SNAP25: variants seen among roughly 807,000 people sequenced by gnomAD.
The protein encoded by SNAP25 is synaptosome associated protein 25.
A neutral mutation model predicts 28.7 loss-of-function variants in SNAP25; 3 were observed. The ratio of observed to expected loss-of-function variants is 0.10; its 90% confidence interval spans 0.05 to 0.27. The LOEUF (loss-of-function observed/expected upper bound fraction) is 0.27. SNAP25 is among the 10% of genes least tolerant of loss of function. The pLI is 1.00. For missense variants in SNAP25, 117 were observed against 278.7 expected (o/e 0.42, Z 4.13); for synonymous variants, 61 against 88.1 (o/e 0.69, Z 1.72).
At chr20:10,305,676 A>C (rs773581746) in intron 7 of SNAP25, among the ~76,000 whole-genome samples, 1 of 152,170 alleles carries the variant, frequency 6.6e-6, no homozygotes, top group Non-Finnish European at 1.5e-5. Context: ...GAGAAAGCTG[A>C]GCCCCCAAGA....
rs2064349769 is a variant in SNAP25, at chr20:10,305,989, G to A, written c.553-140G>A. The A allele has an allele frequency of 6.1e-6, 4 of 650,762 alleles. No homozygotes were observed. In the East Asian group the frequency reaches 1.1e-4, roughly 18 times the overall value. 40.3% of individuals were successfully genotyped at this position (650,762 alleles called of 1,614,324 possible). ...AGAGCCATAGCCGTCATTCTGGGAAGACAAAAGAAAGGATGGCCCATGCTG... is the reference window on the plus strand; with the variant it reads ...AGAGCCATAGCCGTCATTCTGGGAAAACAAAAGAAAGGATGGCCCATGCTG... On this transcript the variant is annotated intron_variant, in intron 7 of 7. Coordinates refer to ENST00000254976, the MANE Select transcript of SNAP25 (RefSeq NM_130811.4).
chr20:10,294,346 T>A (rs1174599151), intron 5 of SNAP25, among the ~76,000 whole-genome samples: 1 of 152,192 alleles, frequency 6.6e-6, no homozygotes, highest in Non-Finnish European at 1.5e-5. Flanking sequence ...GGGGCTCATA[T>A]TGCAAAAAAA....
At chr20:10,235,516 G>A (rs748857892) in intron 1 of SNAP25, among the ~76,000 whole-genome samples, 4 of 152,156 alleles carry the variant, frequency 2.6e-5, no homozygotes, top group Non-Finnish European at 5.9e-5. Flanking sequence ...GTGGGTGGTG[G>A]GATGGAAGAA....
chr20:10,277,814 A>G, intron 3 of SNAP25, 88 bp downstream of exon 3: 1 of 1,221,654 alleles, frequency 8.2e-7, no homozygotes, highest in East Asian at 2.4e-5. Context: ...TCCTTGGGCC[A>G]TGATCCCCTA....
intron 4 of SNAP25, among the ~76,000 whole-genome samples, chr20:10,287,955 A>G (rs1428749370): frequency 6.6e-6 from 1 of 152,056 alleles, no homozygotes; most frequent in African/African-American, 2.4e-5. Flanking sequence ...TGGGAATTGA[A>G]CAATGAGAAC....
In SNAP25 at chr20:10,284,875, A is replaced by G. The variant is rs1003421218; in HGVS notation, c.163+103A>G. The G allele has an allele frequency of 8.4e-6, 7 of 833,832 alleles. No homozygotes were observed. The African/African-American group carries it at 1.0e-4, about 12-fold the overall frequency. The allele number at this position is 833,832 out of a possible 1,614,324, so 51.7% of individuals were successfully genotyped here. A position where few individuals can be genotyped will look rare whatever the true frequency, so the allele number is the denominator to read the frequency against. On this transcript the variant is annotated intron_variant, in intron 4 of 7. Transcript: ENST00000254976. Reference sequence around the variant, plus strand: ...ATGGTCGCTTTGACATGTGTTACACATGTACACGAATGTGAGGGTTCTAGA... The same window carrying G: ...ATGGTCGCTTTGACATGTGTTACACGTGTACACGAATGTGAGGGTTCTAGA...
intron 1 of SNAP25, among the ~76,000 whole-genome samples, chr20:10,240,549 C>T (rs969005035): frequency 6.6e-6 from 1 of 152,184 alleles, no homozygotes; most frequent in Non-Finnish European, 1.5e-5. Flanking sequence ...AGCATGGCAC[C>T]CTGCATGCCA....
rs189032695 is a variant in SNAP25 at position 10,280,706 on chromosome 20, A to G, written c.114+2980A>G. ...GTAAATTAAGCCCAGGAAAAGCCCC[A>G]CAGCCTTAGGGCAGGCCAATTCAGA... On this transcript the variant is annotated intron_variant, in intron 3 of 7. Transcript: ENST00000254976. 2.7e-3 allele frequency among the ~76,000 whole-genome samples: 408 copies of G among 152,352 alleles called. 2 individuals are homozygous for G. Among genetic ancestry groups the G allele is most frequent in the Non-Finnish European group, 4.1e-3 (280 of 68,030 alleles).
intron 1 of SNAP25, among the ~76,000 whole-genome samples, chr20:10,228,753 G>A (rs910217426): frequency 6.6e-6 from 1 of 152,166 alleles, no homozygotes. Flanking sequence ...CTCTGAGAAA[G>A]AGGAAGGGAC....
rs1016890818 is a variant in SNAP25, at chr20:10,306,054, T to C, written c.553-75T>C. ...AAGTGGTTTCACCCAAGAGGAAGCA[T>C]TGGACCCGGACCCAGAAGGGTGAAT... On this transcript the variant is annotated intron_variant, in intron 7 of 7. Transcript: ENST00000254976. 87 of 1,430,196 alleles carry C rather than the reference T, an allele frequency of 6.1e-5. No homozygotes were observed. The African/African-American group carries it at 6.2e-4, about 10-fold the overall frequency. 88.6% of individuals were successfully genotyped at this position (1,430,196 alleles called of 1,614,324 possible).
chr20:10,295,636 C>T (rs1224415449), intron 5 of SNAP25, among the ~76,000 whole-genome samples: 3 of 151,884 alleles, frequency 2.0e-5, no homozygotes, highest in Non-Finnish European at 2.9e-5. Flanking sequence ...TAATAGATGG[C>T]TGTGGTCCTC....
chr20:10,230,941 T>C (rs1197303812), intron 1 of SNAP25, among the ~76,000 whole-genome samples: 1 of 152,114 alleles, frequency 6.6e-6, no homozygotes, highest in Non-Finnish European at 1.5e-5. Flanking sequence ...TGTGCTTTGT[T>C]TTCTTCAACA....
intron 1 of SNAP25, among the ~76,000 whole-genome samples, chr20:10,257,432 T>G (rs935123136): frequency 6.6e-6 from 1 of 152,046 alleles, no homozygotes; most frequent in East Asian, 1.9e-4. Flanking sequence ...TTAGCCAGCA[T>G]GGGCCAGACG....
rs955310079 is a variant in SNAP25 at position 10,307,044 on chromosome 20, T to G, written c.*847T>G. ...CAGCAAAATATATGTTTGGCTGAAA[T>G]TATGTCAAATGGATGTAATATAGGG... On this transcript the variant is annotated 3_prime_UTR_variant, in exon 8 of 8. Coordinates refer to ENST00000254976, the MANE Select transcript of SNAP25 (RefSeq NM_130811.4). 6.6e-6 allele frequency: 1 copy of G among 152,618 alleles called. No homozygotes were observed. Among genetic ancestry groups the G allele is most frequent in the East Asian group, 1.9e-4 (1 of 5,182 alleles). 9.5% of individuals were successfully genotyped at this position (152,618 alleles called of 1,614,324 possible). A position where few individuals can be genotyped will look rare whatever the true frequency, so the allele number is the denominator to read the frequency against.
chr20:10,240,245 A>T (rs1010916864), intron 1 of SNAP25, among the ~76,000 whole-genome samples: 1 of 152,120 alleles, frequency 6.6e-6, no homozygotes, highest in East Asian at 1.9e-4. Flanking sequence ...ACAACATGAC[A>T]GCTGACTTCA....
At chr20:10,262,538 G>A (rs362562) in intron 1 of SNAP25, among the ~76,000 whole-genome samples, 54,961 of 151,862 alleles carry the variant, frequency 0.36, 10,738 homozygotes, top group Middle Eastern at 0.53. Context: ...TGATTCAGTG[G>A]TTTGTTGATT....
At chr20:10,261,063 G>A (rs1414547701) in intron 1 of SNAP25, among the ~76,000 whole-genome samples, 1 of 152,066 alleles carries the variant, frequency 6.6e-6, no homozygotes, top group Non-Finnish European at 1.5e-5. Context: ...TGAATTTTAA[G>A]TTAAATTACA....
chr20:10,228,854 T>C (rs2062777607), intron 1 of SNAP25, among the ~76,000 whole-genome samples: 2 of 152,180 alleles, frequency 1.3e-5, no homozygotes, highest in African/African-American at 4.8e-5. Context: ...CTTCTTTTCC[T>C]CTTTATTGTT....
intron 1 of SNAP25, among the ~76,000 whole-genome samples, chr20:10,252,004 G>C (rs985603149): frequency 6.6e-6 from 1 of 152,152 alleles, no homozygotes; most frequent in African/African-American, 2.4e-5. Context: ...TCATAAGCTT[G>C]CTTTCTTATA....
Sources: gnomAD v4.1 joint callset for allele counts (sites outside exome capture counted in the v4.1 genomes callset) on GRCh38, gnomAD v4.1.1 for gene constraint, MANE v1.5 for transcripts, NCBI Gene and HGNC (gene_info 2026-07-23, HGNC 2026-07-21) for gene names.